GALNT13: variants seen among roughly 807,000 people sequenced by gnomAD.
The protein encoded by GALNT13 is polypeptide N-acetylgalactosaminyltransferase 13.
GALNT13 carries 28 observed loss-of-function variants against 64.2 expected under a neutral mutation model. That is an observed-to-expected ratio of 0.44 (90% CI 0.32 to 0.60). The LOEUF (loss-of-function observed/expected upper bound fraction) is 0.60, where lower values mean the gene tolerates loss of function less well. Ranked by LOEUF, GALNT13 falls within the 20% of genes least tolerant of loss-of-function variation. The pLI is 0.05. For missense variants in GALNT13, 577 were observed against 669.8 expected (o/e 0.86, Z 1.53); for synonymous variants, 214 against 224.6 (o/e 0.95, Z 0.42).
the GALNT13 span, among the ~76,000 whole-genome samples, chr2:153,775,474 T>C: frequency 2.0e-5 from 3 of 152,154 alleles, no homozygotes; most frequent in Non-Finnish European, 4.4e-5. Flanking sequence ...CAGATTTCTA[T>C]TGAGGGCAAA....
At chr2:153,256,618 A>G in the GALNT13 span, among the ~76,000 whole-genome samples, 1 of 152,074 alleles carries the variant, frequency 6.6e-6, no homozygotes, top group Non-Finnish European at 1.5e-5. Context: ...TTGGTCTTTG[A>G]GGATGGTGAT....
the GALNT13 span, among the ~76,000 whole-genome samples, chr2:153,109,837 G>A: frequency 6.6e-6 from 1 of 152,070 alleles, no homozygotes; most frequent in Non-Finnish European, 1.5e-5. Context: ...GCTGTATCGG[G>A]TTTGAAAGCT....
the GALNT13 span, among the ~76,000 whole-genome samples, chr2:153,747,422 G>GTTTTTT: frequency 1.1e-4 from 10 of 93,748 alleles, no homozygotes; most frequent in African/African-American, 4.6e-4. Context: ...AGTGCCTTTG[G>GTTTTTT]TTTTTTTTTT....
chr2:153,163,496 C>T, the GALNT13 span, among the ~76,000 whole-genome samples: 2 of 152,160 alleles, frequency 1.3e-5, no homozygotes, highest in African/African-American at 4.8e-5. Context: ...TTTTTAACAT[C>T]TGCACTGGTG....
chr2:153,828,600 C>T, the GALNT13 span, among the ~76,000 whole-genome samples: 1 of 152,128 alleles, frequency 6.6e-6, no homozygotes, highest in Non-Finnish European at 1.5e-5. Flanking sequence ...CCAATAAAAC[C>T]ATGTTTTCCT....
the GALNT13 span, among the ~76,000 whole-genome samples, chr2:153,455,617 A>G: frequency 6.6e-6 from 1 of 152,196 alleles, no homozygotes; most frequent in East Asian, 1.9e-4. Flanking sequence ...GCAGGTCCGC[A>G]GCAGTATCCG....
chr2:153,819,202 TA>T, the GALNT13 span, among the ~76,000 whole-genome samples: 3 of 152,150 alleles, frequency 2.0e-5, no homozygotes, highest in African/African-American at 7.2e-5. Context: ...AGTACTGCTA[TA>T]TTTGAGAACA....
the GALNT13 span, among the ~76,000 whole-genome samples, chr2:153,344,644 T>C: frequency 6.6e-6 from 1 of 152,194 alleles, no homozygotes; most frequent in Non-Finnish European, 1.5e-5. Flanking sequence ...GTTATAATTA[T>C]ACAGGATGGA....
chr2:153,574,067 A>C, the GALNT13 span, among the ~76,000 whole-genome samples: 3 of 151,536 alleles, frequency 2.0e-5, no homozygotes, highest in Non-Finnish European at 4.4e-5. Context: ...TGTCTGGGAA[A>C]GTTTTCATTT....
the GALNT13 span, among the ~76,000 whole-genome samples, chr2:153,569,988 T>C: frequency 6.6e-6 from 1 of 152,140 alleles, no homozygotes; most frequent in African/African-American, 2.4e-5. Flanking sequence ...ACAAAATGTT[T>C]TTTGAAGAAC....
the GALNT13 span, among the ~76,000 whole-genome samples, chr2:153,746,625 C>A: frequency 6.6e-6 from 1 of 151,988 alleles, no homozygotes; most frequent in African/African-American, 2.4e-5. Context: ...TTGGAGAACT[C>A]GTGTATTTCT....
chr2:153,192,350 G>A, the GALNT13 span, among the ~76,000 whole-genome samples: 2 of 152,036 alleles, frequency 1.3e-5, no homozygotes, highest in East Asian at 3.8e-4. Flanking sequence ...AGTTTTCAAA[G>A]TTTCTCTTGT....
chr2:153,943,531 G>A (rs1173543057), intron 2 of GALNT13, among the ~76,000 whole-genome samples: 32 of 149,360 alleles, frequency 2.1e-4, no homozygotes, highest in Admixed American at 2.1e-3. Flanking sequence ...TTTTGCTCTT[G>A]TCACCCAGAC....
At chr2:153,390,433 A>G in the GALNT13 span, among the ~76,000 whole-genome samples, 1 of 151,940 alleles carries the variant, frequency 6.6e-6, no homozygotes, top group Non-Finnish European at 1.5e-5. Context: ...AATGTTCTGC[A>G]CATGTAACCC....
At chr2:153,669,626 T>C in the GALNT13 span, among the ~76,000 whole-genome samples, 72 of 152,152 alleles carry the variant, frequency 4.7e-4, no homozygotes, top group African/African-American at 1.5e-3. Context: ...AAAAGACAGG[T>C]GATTTCTGCA....
intron 9 of GALNT13, among the ~76,000 whole-genome samples, chr2:154,387,897 T>G (rs1053529924): frequency 6.6e-6 from 1 of 152,190 alleles, no homozygotes; most frequent in Admixed American, 6.5e-5. Context: ...AGTGCAGATA[T>G]CCCTTTGACA....
At chr2:154,438,370 A>C (rs1701102238) in intron 11 of GALNT13, among the ~76,000 whole-genome samples, 1 of 152,174 alleles carries the variant, frequency 6.6e-6, no homozygotes, top group South Asian at 2.1e-4. Flanking sequence ...TTGTTTTGTT[A>C]AACTGAGGCC....
At chr2:154,182,304 T>A (rs1686002096) in intron 4 of GALNT13, among the ~76,000 whole-genome samples, 1 of 152,210 alleles carries the variant, frequency 6.6e-6, no homozygotes, top group South Asian at 2.1e-4. Flanking sequence ...CATTTCCAGT[T>A]GCGCATACTG....
chr2:153,183,749 T>A, the GALNT13 span, among the ~76,000 whole-genome samples: 4 of 152,220 alleles, frequency 2.6e-5, no homozygotes, highest in Non-Finnish European at 4.4e-5. Context: ...TGCTTGTTTT[T>A]GTCAGGTTTG....
Sources: gnomAD v4.1 joint callset for allele counts (sites outside exome capture counted in the v4.1 genomes callset) on GRCh38, gnomAD v4.1.1 for gene constraint, MANE v1.5 for transcripts, NCBI Gene and HGNC (gene_info 2026-07-23, HGNC 2026-07-21) for gene names.